The following UBAP1 variants were observed in gnomAD, a reference collection of about 807,000 sequenced individuals.
UBAP1 encodes ubiquitin-associated protein 1.
UBAP1 carries 5 observed loss-of-function variants against 39.0 expected under a neutral mutation model. The observed-to-expected ratio is 0.13, with a 90% CI of 0.07 to 0.27. The LOEUF (loss-of-function observed/expected upper bound fraction) is 0.27, where lower values mean the gene tolerates loss of function less well. Ranked by LOEUF, UBAP1 falls within the 10% of genes least tolerant of loss-of-function variation. UBAP1 has a pLI of 1.00. For missense variants in UBAP1, 490 were observed against 608.1 expected (o/e 0.81, Z 2.04); for synonymous variants, 211 against 225.1 (o/e 0.94, Z 0.56).
chr9:34,240,846 T>C (rs565257596), intron 3 of UBAP1, among the ~76,000 whole-genome samples: 1 of 148,160 alleles, frequency 6.7e-6, no homozygotes, highest in East Asian at 1.9e-4. Flanking sequence ...AAAAAGTGTT[T>C]AGAATCATGC....
chr9:34,246,300 A>G (rs1257340107), intron 4 of UBAP1, among the ~76,000 whole-genome samples: 1 of 152,148 alleles, frequency 6.6e-6, no homozygotes, highest in Admixed American at 6.5e-5. Context: ...TTCTGAGCTT[A>G]AGCAGTCCTT....
At position 34,252,170 on chromosome 9, in the gene UBAP1, C is replaced by T. The variant is rs1303128326; in HGVS notation, c.*638C>T. 6.6e-6 allele frequency: 1 copy of T among 152,634 alleles called. No homozygotes were observed. The highest frequency in any genetic ancestry group is 2.4e-5 in the African/African-American group (1 of 41,446). The allele number at this position is 152,634 out of a possible 1,614,324, so 9.5% of individuals were successfully genotyped here. On this transcript the variant is annotated 3_prime_UTR_variant, in exon 7 of 7. Coordinates refer to ENST00000297661, the MANE Select transcript of UBAP1 (RefSeq NM_016525.5). ...CCTGTTTCTTTTGGCTTGGTTTGGA[C>T]CACAGTCCTCTGCTACCCAGGGTTT...
chr9:34,210,245 G>C (rs1320663355), intron 1 of UBAP1, among the ~76,000 whole-genome samples: 1 of 152,074 alleles, frequency 6.6e-6, no homozygotes, highest in Non-Finnish European at 1.5e-5. Flanking sequence ...GTAATAAGGG[G>C]GCTAAGTTTT....
chr9:34,202,083 A>C (rs947130899), intron 1 of UBAP1, among the ~76,000 whole-genome samples: 7 of 152,100 alleles, frequency 4.6e-5, no homozygotes, highest in Non-Finnish European at 8.8e-5. Flanking sequence ...AGCTAGCCAG[A>C]AGCTCTCCAA....
At chr9:34,185,173 A>T (rs904878829) in intron 1 of UBAP1, among the ~76,000 whole-genome samples, 1 of 151,940 alleles carries the variant, frequency 6.6e-6, no homozygotes, top group Non-Finnish European at 1.5e-5. Flanking sequence ...ACCTCAGGTG[A>T]TCTGCCTGCC....
At chr9:34,224,652 C>G in intron 2 of UBAP1, 1 of 341,046 alleles carries the variant, frequency 2.9e-6, no homozygotes. Context: ...CTGGAAAGAG[C>G]TAGTTGGGTT....
At chr9:34,205,545 A>G (rs539334894) in intron 1 of UBAP1, among the ~76,000 whole-genome samples, 1 of 152,294 alleles carries the variant, frequency 6.6e-6, no homozygotes, top group Non-Finnish European at 1.5e-5. Flanking sequence ...AAATTTTCAG[A>G]AAGTTTGAAG....
intron 4 of UBAP1, among the ~76,000 whole-genome samples, chr9:34,246,095 TTTA>T (rs1260639879): frequency 6.6e-6 from 1 of 152,214 alleles, no homozygotes; most frequent in African/African-American, 2.4e-5. Context: ...TTTTTAAATT[TTTA>T]TTATTTTTTT....
chr9:34,248,129 G>A (rs1834273401), intron 4 of UBAP1, among the ~76,000 whole-genome samples: 1 of 151,632 alleles, frequency 6.6e-6, no homozygotes, highest in Non-Finnish European at 1.5e-5. Context: ...TCCACCTCCC[G>A]GGTTCAAGCG....
At chr9:34,224,337 C>T (rs932659531) in intron 2 of UBAP1, 7 of 444,538 alleles carry the variant, frequency 1.6e-5, no homozygotes, top group Non-Finnish European at 2.5e-5. Context: ...TGAAGCAATT[C>T]TTCACCAGGG....
At chr9:34,202,624 C>CGTGTGTGTGTGTGTGTGTGTGTGTGTGT (rs56012034) in intron 1 of UBAP1, among the ~76,000 whole-genome samples, 18 of 107,364 alleles carry the variant, frequency 1.7e-4, no homozygotes, top group African/African-American at 5.9e-4. Flanking sequence ...TAGACAGAAA[C>CGTGTGTGTGTGTGTGTGTGTGTGTGTGT]GTGTGTGTGT....
chr9:34,244,171 A>G (rs1834109286), intron 4 of UBAP1, among the ~76,000 whole-genome samples: 1 of 151,908 alleles, frequency 6.6e-6, no homozygotes, highest in Non-Finnish European at 1.5e-5. Flanking sequence ...TTTTGTACCT[A>G]TTAACCACCA....
At chr9:34,221,456 G>A (rs563002420) in intron 2 of UBAP1, among the ~76,000 whole-genome samples, 1 of 151,816 alleles carries the variant, frequency 6.6e-6, no homozygotes, top group African/African-American at 2.4e-5. Context: ...CGTGAACCCG[G>A]GAGGCGGAGC....
chr9:34,219,323 A>G (rs1340764755), intron 1 of UBAP1, among the ~76,000 whole-genome samples: 2 of 152,128 alleles, frequency 1.3e-5, no homozygotes, highest in Non-Finnish European at 2.9e-5. Context: ...TCCTGGGCTC[A>G]AGTAATCCAC....
chr9:34,217,090 G>T (rs1832365562), intron 1 of UBAP1, among the ~76,000 whole-genome samples: 1 of 151,920 alleles, frequency 6.6e-6, no homozygotes, highest in Non-Finnish European at 1.5e-5. Context: ...TTTGGGAAGG[G>T]TGTTTGCTAT....
At position 34,210,550 on chromosome 9, in the gene UBAP1, C is replaced by A. The variant is rs556635194; in HGVS notation, c.-7-10358C>A. On this transcript the variant is annotated intron_variant, in intron 1 of 6. Coordinates refer to ENST00000297661, the MANE Select transcript of UBAP1 (RefSeq NM_016525.5). ...CCTGGCCAACATGGCAAAAACCCAT[C>A]TCTACTAAATACAAAAAAATTAGCT... 1.3e-4 allele frequency among the ~76,000 whole-genome samples: 20 copies of A among 150,672 alleles called. No individual in the cohort carries two copies. In the South Asian group the frequency reaches 3.6e-3, roughly 27 times the overall value.
intron 1 of UBAP1, among the ~76,000 whole-genome samples, chr9:34,202,001 G>C (rs1303534916): frequency 1.3e-5 from 2 of 152,170 alleles, no homozygotes; most frequent in African/African-American, 4.8e-5. Context: ...TGGCAAGGTA[G>C]GGGGGAAGGT....
At chr9:34,181,032 A>G (rs1220918088) in intron 1 of UBAP1, among the ~76,000 whole-genome samples, 2 of 150,976 alleles carry the variant, frequency 1.3e-5, no homozygotes, top group African/African-American at 2.4e-5. Flanking sequence ...CTGGTCTCGA[A>G]CTTCTGACCT....
At chr9:34,183,996 T>C (rs1450822187) in intron 1 of UBAP1, among the ~76,000 whole-genome samples, 2 of 151,930 alleles carry the variant, frequency 1.3e-5, no homozygotes, top group Non-Finnish European at 2.9e-5. Context: ...TCTCAAACTC[T>C]TCAACTCAGG....
Sources: allele counts gnomAD v4.1 joint callset (sites outside exome capture counted in the v4.1 genomes callset), GRCh38; gene constraint gnomAD v4.1.1; transcripts MANE v1.5; gene names NCBI Gene and HGNC (gene_info 2026-07-23, HGNC 2026-07-21).